The following RSU1 variants were observed in gnomAD, a reference collection of about 807,000 sequenced individuals.
The protein encoded by RSU1 is Ras suppressor protein 1, also known as rsu-1.
In RSU1, 26 loss-of-function variants were observed where a neutral mutation model predicts 31.1. The ratio of observed to expected loss-of-function variants is 0.84; its 90% CI spans 0.61 to 1.16. RSU1 has a LOEUF of 1.16. Ranked by LOEUF, RSU1 falls within the 50% of genes most tolerant of loss-of-function variation. The probability of loss-of-function intolerance (pLI) is 0.00; values close to 1 mark genes in which losing one functional copy is unlikely to be tolerated. For synonymous variants in RSU1, 164 were observed against 136.3 expected, an observed-to-expected ratio of 1.20 and a Z score of -1.41; for missense variants, 320 against 339.1, an observed-to-expected ratio of 0.94 and a Z score of 0.44.
At chr10:16,677,523 T>C (rs1357648039) in intron 8 of RSU1, among the ~76,000 whole-genome samples, 1 of 152,204 alleles carries the variant, frequency 6.6e-6, no homozygotes. Flanking sequence ...ATACTCTTAG[T>C]ACTGAAACCA....
At chr10:16,788,923 C>A (rs887855273) in intron 2 of RSU1, among the ~76,000 whole-genome samples, 1 of 152,158 alleles carries the variant, frequency 6.6e-6, no homozygotes, top group African/African-American at 2.4e-5. Context: ...AACTGGCAGA[C>A]AATTAGCAGT....
intron 8 of RSU1, among the ~76,000 whole-genome samples, chr10:16,642,572 A>G (rs1834464317): frequency 6.6e-6 from 1 of 152,218 alleles, no homozygotes; most frequent in African/African-American, 2.4e-5. Context: ...TATGGTAGGT[A>G]AACAAAGAAA....
intron 2 of RSU1, among the ~76,000 whole-genome samples, chr10:16,805,341 C>T (rs988131554): frequency 6.6e-6 from 1 of 152,144 alleles, no homozygotes; most frequent in Admixed American, 6.5e-5. Context: ...ACTTCCTGCT[C>T]CAGCTCTCTG....
chr10:16,695,162 G>GGGGT lies in RSU1; in HGVS notation c.599-8_599-7insACCC, dbSNP rs1554767093. 3 of 1,479,646 alleles carry GGGGT rather than the reference G, an allele frequency of 2.0e-6. No homozygotes were observed. The highest frequency in any genetic ancestry group is 2.7e-6 in the Non-Finnish European group (3 of 1,099,832). The allele number at this position is 1,479,646 out of a possible 1,614,324, so 91.7% of individuals were successfully genotyped here. Reference sequence around the variant, plus strand: ...CCAGTTAAATCCAAGTTTCCTGGGGGGGGGGAAAAAAAAAGTGAAGGTCAC... The same window carrying GGGGT: ...CCAGTTAAATCCAAGTTTCCTGGGGGGGGTGGGGGAAAAAAAAAGTGAAGGTCAC... On this transcript the variant is annotated splice_polypyrimidine_tract_variant and splice_region_variant and intron_variant, in intron 7 of 8. Transcript: ENST00000345264.
chr10:16,624,348 C>G (rs551500138), intron 8 of RSU1, among the ~76,000 whole-genome samples: 3 of 152,216 alleles, frequency 2.0e-5, no homozygotes, highest in African/African-American at 7.2e-5. Flanking sequence ...ACTGCCCTAA[C>G]CTCTTTCCTT....
intron 8 of RSU1, among the ~76,000 whole-genome samples, chr10:16,667,024 A>AAAAC (rs1361173442): frequency 6.9e-6 from 1 of 144,156 alleles, no homozygotes; most frequent in Non-Finnish European, 1.6e-5. Flanking sequence ...AAAACAAAGC[A>AAAAC]AAACAAACAA....
At chr10:16,608,136 C>T (rs941069708) in intron 8 of RSU1, among the ~76,000 whole-genome samples, 1 of 152,244 alleles carries the variant, frequency 6.6e-6, no homozygotes, top group Non-Finnish European at 1.5e-5. Flanking sequence ...CGGCCAGTAT[C>T]ATGAGATTTT....
intron 2 of RSU1, among the ~76,000 whole-genome samples, chr10:16,785,250 T>C (rs929974611): frequency 1.3e-5 from 2 of 152,040 alleles, no homozygotes; most frequent in Non-Finnish European, 2.9e-5. Context: ...CTGTGCTGGA[T>C]GCTCGCTGCC....
chr10:16,691,936 A>G (rs1413604231), intron 8 of RSU1, among the ~76,000 whole-genome samples: 2 of 151,786 alleles, frequency 1.3e-5, no homozygotes, highest in African/African-American at 4.8e-5. Context: ...ATGGGGTTTC[A>G]CCATGTTGGA....
intron 2 of RSU1, among the ~76,000 whole-genome samples, chr10:16,812,244 C>T (rs542373543): frequency 1.3e-5 from 2 of 152,280 alleles, no homozygotes; most frequent in East Asian, 3.9e-4. Context: ...GAGTTCAAGA[C>T]CAGCCTGGCC....
chr10:16,758,661 G>C (rs1346431776), intron 4 of RSU1, among the ~76,000 whole-genome samples: 1 of 152,188 alleles, frequency 6.6e-6, no homozygotes, highest in African/African-American at 2.4e-5. Context: ...AATATCCGAA[G>C]CACCCAACAC....
intron 4 of RSU1, among the ~76,000 whole-genome samples, chr10:16,757,262 T>C (rs1378363685): frequency 6.6e-6 from 1 of 152,060 alleles, no homozygotes; most frequent in African/African-American, 2.4e-5. Context: ...AAAAATTTAA[T>C]AAAAGTTGAC....
At chr10:16,735,985 T>C (rs989689912) in intron 7 of RSU1, among the ~76,000 whole-genome samples, 3 of 152,172 alleles carry the variant, frequency 2.0e-5, no homozygotes, top group Admixed American at 6.5e-5. Context: ...TCTGGTTTTC[T>C]CTGAGAAGCA....
chr10:16,749,583 G>C (rs1350119770), intron 7 of RSU1, among the ~76,000 whole-genome samples: 2 of 152,060 alleles, frequency 1.3e-5, no homozygotes, highest in African/African-American at 2.4e-5. Context: ...AGCCAGCCCG[G>C]AGCAGCATCC....
chr10:16,762,547 G>A (rs1242999205), intron 4 of RSU1, among the ~76,000 whole-genome samples: 1 of 150,944 alleles, frequency 6.6e-6, no homozygotes, highest in Admixed American at 6.6e-5. Context: ...CTCAAGCGAT[G>A]TTCCTCCCTC....
intron 7 of RSU1, among the ~76,000 whole-genome samples, chr10:16,722,831 C>CACACATATATACATATACATACATATAT (rs1564332382): frequency 4.1e-5 from 5 of 121,302 alleles, no homozygotes; most frequent in African/African-American, 1.2e-4. Flanking sequence ...TGTATACAGC[C>CACACATATATACATATACATACATATAT]ACATATATGT....
chr10:16,646,550 G>A (rs918752236), intron 8 of RSU1, among the ~76,000 whole-genome samples: 5 of 152,062 alleles, frequency 3.3e-5, no homozygotes, highest in South Asian at 2.1e-4. Context: ...CACTTCCATC[G>A]TAGCTCCCCG....
Position 16,766,853 on chromosome 10 carries a change from A to T in RSU1, c.161-2343T>A, listed in dbSNP as rs185946654. Among the ~76,000 whole-genome samples the T allele has an allele frequency of 8.7e-5, 13 of 148,694 alleles. No homozygotes were observed. The East Asian group carries it at 2.4e-3, about 28-fold the overall frequency. On this transcript the variant is annotated intron_variant, in intron 3 of 8. Transcript: ENST00000345264. ...ACGTGGTGAAACCCCATCTCTACAAAAAATAAATAAATAAATAAATAATTA... is the reference window on the plus strand; with the variant it reads ...ACGTGGTGAAACCCCATCTCTACAATAAATAAATAAATAAATAAATAATTA...
In RSU1 at chr10:16,800,242, C is replaced by G. The variant is rs142549256; in HGVS notation, c.109+16731G>C. On this transcript the variant is annotated intron_variant, in intron 2 of 8. Transcript: ENST00000345264. ...AGAAAGGCTGAGGAGAGAAATCAAG[C>G]AAAAGAAGCACACTCGGATATGGCA... 3.1e-4 allele frequency among the ~76,000 whole-genome samples: 47 copies of G among 152,202 alleles called. 1 individual carries two copies. The East Asian group carries it at 9.1e-3, about 29-fold the overall frequency.
Sources: gnomAD v4.1 joint callset for allele counts (sites outside exome capture counted in the v4.1 genomes callset) on GRCh38, gnomAD v4.1.1 for gene constraint, MANE v1.5 for transcripts, NCBI Gene and HGNC (gene_info 2026-07-23, HGNC 2026-07-21) for gene names.